ATP6V1C2: variants seen among roughly 807,000 people sequenced by gnomAD.
ATP6V1C2 encodes ATPase H+ transporting V1 subunit C2, also known as V-type proton ATPase subunit C 2.
A neutral mutation model predicts 56.8 loss-of-function variants in ATP6V1C2; 45 were observed. The ratio of observed to expected loss-of-function variants is 0.79; its 90% CI spans 0.62 to 1.02. The LOEUF (loss-of-function observed/expected upper bound fraction) is 1.02. ATP6V1C2 is among the 50% of genes least tolerant of loss of function. The pLI is 0.00. For missense variants in ATP6V1C2, 463 were observed against 519.7 expected (o/e 0.89, Z 1.06); for synonymous variants, 220 against 201.3 (o/e 1.09, Z -0.79).
intron 3 of ATP6V1C2, among the ~76,000 whole-genome samples, chr2:10,751,327 T>C (rs1259005351): frequency 6.6e-6 from 1 of 152,114 alleles, no homozygotes; most frequent in African/African-American, 2.4e-5. Flanking sequence ...TATCTCAAGG[T>C]GTCTCTTGCA....
chr2:10,736,130 G>T (rs1469515810), intron 3 of ATP6V1C2, among the ~76,000 whole-genome samples: 1 of 152,048 alleles, frequency 6.6e-6, no homozygotes, highest in African/African-American at 2.4e-5. Flanking sequence ...TGATTCAGGA[G>T]GTCTGAGTTG....
chr2:10,722,978 G>T lies in ATP6V1C2; in HGVS notation c.129G>T (p.Lys43Asn). ...YNTKFAIPDF[K>N]VGTLDSLVGL... The stretch of plus-strand genomic sequence containing the variant: ...CCAAATTCGCTATTCCTGACTTCAA[G>T]GTAAAATTCTTGGGGAGGAGTGAAA... The change falls in exon 2 of 14, where the codon AAG becomes AAT. Residue 43 changes from lysine (K) to asparagine (N), a missense_variant and splice_region_variant. Transcript: ENST00000272238. 1 of 1,613,764 alleles carries T rather than the reference G, an allele frequency of 6.2e-7. No individual in the cohort carries two copies.
At chr2:10,766,082 C>T (rs981829392) in intron 5 of ATP6V1C2, among the ~76,000 whole-genome samples, 3 of 152,140 alleles carry the variant, frequency 2.0e-5, no homozygotes, top group African/African-American at 4.8e-5. Flanking sequence ...GGACCTGCAG[C>T]GGTTGGAGTA....
rs1303699284 is a variant in ATP6V1C2 at position 10,783,226 on chromosome 2, A to G, written c.1247A>G (p.Tyr416Cys). The G allele has an allele frequency of 6.2e-7, 1 of 1,613,910 alleles. No individual in the cohort carries two copies. The highest frequency in any genetic ancestry group is 8.5e-7 in the Non-Finnish European group (1 of 1,179,784). Residue 416 changes from tyrosine to cysteine, a missense_variant, in exon 14 of 14, where the codon TAT becomes TGT. Tyr to Cys is a radical substitution (Grantham distance 194, BLOSUM62 -2). Coordinates refer to ENST00000272238, the MANE Select transcript of ATP6V1C2 (RefSeq NM_001039362.2). ...CTCAATAACCAAGACTATTTTCCTT[A>G]TGTCTACTTCCATATTGACCTTAGT... ...LQLNNQDYFP[Y>C]VYFHIDLSLL... is the part of the protein sequence containing the mutation.
chr2:10,722,898 C>T lies in ATP6V1C2; in HGVS notation c.49C>T (p.Gln17Ter), dbSNP rs1375977245. ...ISAPGDKENL[Q>*]ALERMNTVTS... ...TGCCCCTGGCGATAAGGAAAATTTG[C>T]AAGCTCTGGAGAGGATGAATACTGT... is the stretch of plus-strand genomic sequence containing the variant. Residue 17 changes from glutamine to a stop codon, truncating the protein, a stop_gained, in exon 2 of 14, where the codon CAA (glutamine) becomes TAA (stop). Coordinates refer to ENST00000272238, the MANE Select transcript of ATP6V1C2 (RefSeq NM_001039362.2). LOFTEE classifies it high-confidence loss of function. The T allele has an allele frequency of 6.2e-7, 1 of 1,613,944 alleles. No homozygotes were observed. Among genetic ancestry groups the T allele is most frequent in the East Asian group, 2.2e-5 (1 of 44,890 alleles).
At chr2:10,768,332 G>A (rs1167787249) in intron 5 of ATP6V1C2, 6 of 203,578 alleles carry the variant, frequency 2.9e-5, no homozygotes, top group South Asian at 1.8e-4. Context: ...CGGCACAGCC[G>A]AGCCAGGAGA....
intron 3 of ATP6V1C2, among the ~76,000 whole-genome samples, chr2:10,737,102 T>C (rs1038730327): frequency 6.6e-6 from 1 of 151,572 alleles, no homozygotes; most frequent in African/African-American, 2.4e-5. Flanking sequence ...CATTTCTAAT[T>C]CTGTTGCTTT....
At chr2:10,737,609 T>C (rs1429974040) in intron 3 of ATP6V1C2, among the ~76,000 whole-genome samples, 7 of 152,190 alleles carry the variant, frequency 4.6e-5, no homozygotes, top group Non-Finnish European at 8.8e-5. Flanking sequence ...ACACTATCAA[T>C]GAATGTCATA....
At chr2:10,771,779 G>A in intron 6 of ATP6V1C2, 60 bp from the exon 7 acceptor site, 1 of 1,339,988 alleles carries the variant, frequency 7.5e-7, no homozygotes, top group Non-Finnish European at 1.1e-6. Context: ...GGTGTGTGTG[G>A]GGTCACTGTG....
chr2:10,774,738 C>T (rs751699539), intron 8 of ATP6V1C2, 50 bp from the exon 9 acceptor site: 29 of 1,555,874 alleles, frequency 1.9e-5, no homozygotes, highest in Admixed American at 1.9e-4. Flanking sequence ...GCCCCACTCC[C>T]GCACAAGGCC....
intron 6 of ATP6V1C2, among the ~76,000 whole-genome samples, chr2:10,769,150 G>T (rs966448375): frequency 6.6e-6 from 1 of 152,262 alleles, no homozygotes; most frequent in South Asian, 2.1e-4. Context: ...AGGGGTGACG[G>T]GAGGCCAGGA....
intron 6 of ATP6V1C2, among the ~76,000 whole-genome samples, chr2:10,771,515 G>A (rs1038891062): frequency 7.2e-5 from 11 of 152,074 alleles, no homozygotes; most frequent in African/African-American, 2.2e-4. Context: ...CATAGCAGCC[G>A]GAGCTGGCAC....
intron 4 of ATP6V1C2, 138 bp downstream of exon 4, chr2:10,754,204 A>C (rs771607418): frequency 2.9e-5 from 18 of 631,260 alleles, no homozygotes; most frequent in Admixed American, 5.8e-5. Context: ...CATTGGGCAG[A>C]GGCTCTGCAC....
chr2:10,726,786 A>AG (rs1661663974), intron 3 of ATP6V1C2, among the ~76,000 whole-genome samples: 1 of 152,152 alleles, frequency 6.6e-6, no homozygotes. Flanking sequence ...GCACTTGTTA[A>AG]GGGGTTGCCT....
intron 3 of ATP6V1C2, among the ~76,000 whole-genome samples, chr2:10,741,030 G>C (rs1030122800): frequency 1.3e-5 from 2 of 152,182 alleles, no homozygotes; most frequent in African/African-American, 4.8e-5. Flanking sequence ...TGTCTGGACC[G>C]CATGTGGGTG....
At position 10,771,886 on chromosome 2, in the gene ATP6V1C2, A is replaced by G; in HGVS notation, c.518A>G (p.Asp173Gly). 1 of 1,614,148 alleles carries G rather than the reference A, an allele frequency of 6.2e-7. No individual in the cohort carries two copies. Among genetic ancestry groups the G allele is most frequent in the East Asian group, 2.2e-5 (1 of 44,880 alleles). ...CTGAGTGATATTGTGAGCAAAGAGG[A>G]CTTCGTGCTGGATTCTGAATATCTC... ...RTLSDIVSKEDFVLDSEYLVT... is the reference protein window; with the variant it reads ...RTLSDIVSKEGFVLDSEYLVT... Residue 173 changes from aspartate (D) to glycine (G), a missense_variant, in exon 7 of 14, where the codon GAC becomes GGC. Transcript: ENST00000272238.
At chr2:10,742,054 C>T (rs1287329450) in intron 3 of ATP6V1C2, among the ~76,000 whole-genome samples, 1 of 152,092 alleles carries the variant, frequency 6.6e-6, no homozygotes, top group African/African-American at 2.4e-5. Flanking sequence ...GGATTACAGG[C>T]ACGCACCACC....
chr2:10,737,285 C>T (rs1662303785), intron 3 of ATP6V1C2, among the ~76,000 whole-genome samples: 1 of 145,008 alleles, frequency 6.9e-6, no homozygotes, highest in South Asian at 2.2e-4. Flanking sequence ...AAAAGATTAA[C>T]CAGGTGTGGT....
chr2:10,755,222 G>A (rs1663480423), intron 4 of ATP6V1C2, among the ~76,000 whole-genome samples: 1 of 151,886 alleles, frequency 6.6e-6, no homozygotes, highest in South Asian at 2.1e-4. Flanking sequence ...TTTTAGTAGA[G>A]ACGGGGTTTC....
Sources: allele counts gnomAD v4.1 joint callset (sites outside exome capture counted in the v4.1 genomes callset), GRCh38; gene constraint gnomAD v4.1.1; transcripts MANE v1.5; gene names NCBI Gene and HGNC (gene_info 2026-07-23, HGNC 2026-07-21).